Variants in COA1 observed in about 807,000 individuals in gnomAD.
The protein encoded by COA1 is cytochrome c oxidase assembly factor 1 homolog.
Under a neutral mutation model 16.0 loss-of-function variants are expected in COA1, and 13 were observed. The observed-to-expected ratio is 0.81, with a 90% CI of 0.53 to 1.29. The LOEUF (loss-of-function observed/expected upper bound fraction) is 1.29, where lower values mean the gene tolerates loss of function less well. Ranked by LOEUF, COA1 falls within the 50% of genes most tolerant of loss-of-function variation. The pLI is 0.00. For missense variants in COA1, 179 were observed against 177.0 expected, an observed-to-expected ratio of 1.01 and a Z score of -0.06; for synonymous variants, 65 against 65.7, an observed-to-expected ratio of 0.99 and a Z score of 0.05.
At chr7:43,671,573 A>G (rs2093265634) in intron 1 of COA1, among the ~76,000 whole-genome samples, 1 of 152,244 alleles carries the variant, frequency 6.6e-6, no homozygotes, top group African/African-American at 2.4e-5. Flanking sequence ...AAGAAATCAG[A>G]GATGACACAA....
chr7:43,722,606 T>C (rs1025310485), intron 1 of COA1, among the ~76,000 whole-genome samples: 23 of 151,798 alleles, frequency 1.5e-4, no homozygotes, highest in African/African-American at 5.1e-4. Context: ...TTTCACCATG[T>C]TGGCCAGGCT....
chr7:43,720,945 G>C (rs781737165), intron 1 of COA1, among the ~76,000 whole-genome samples: 1 of 152,172 alleles, frequency 6.6e-6, no homozygotes, highest in Non-Finnish European at 1.5e-5. Context: ...ATTAGAACCT[G>C]TATCTTTCTT....
In COA1 at chr7:43,639,493, G is replaced by A; in HGVS notation, c.*89C>T. The A allele has an allele frequency of 3.9e-6, 4 of 1,026,942 alleles. No homozygotes were observed. The highest frequency in any genetic ancestry group is 6.1e-6 in the Non-Finnish European group (4 of 658,796). 63.6% of individuals were successfully genotyped at this position (1,026,942 alleles called of 1,614,324 possible). ...GGAAAACTGGGTTGCAGGAGTGTCT[G>A]TCACTGAGATGGGCCACCACCCCAG... On this transcript the variant is annotated 3_prime_UTR_variant, in exon 6 of 6. Transcript: ENST00000223336.
At chr7:43,655,505 A>T (rs1272706188) in intron 1 of COA1, among the ~76,000 whole-genome samples, 1 of 152,040 alleles carries the variant, frequency 6.6e-6, no homozygotes, top group Non-Finnish European at 1.5e-5. Context: ...TATAACATCA[A>T]CCGGGCATGG....
Position 43,643,555 on chromosome 7 carries a change from G to A in COA1, c.264+1696C>T, listed in dbSNP as rs112063794. ...AGGATGTCCTCTCTCACGCAGTGTC[G>A]CTGCCGTCCTTCCACTCACGTCCAT... On this transcript the variant is annotated intron_variant, in intron 4 of 5. Transcript: ENST00000223336. 8.8e-3 allele frequency among the ~76,000 whole-genome samples: 1,345 copies of A among 152,266 alleles called. 16 individuals carry two copies. The highest frequency in any genetic ancestry group is 0.03 in the African/African-American group (1,259 of 41,536).
chr7:43,722,397 G>A (rs943568728), intron 1 of COA1, among the ~76,000 whole-genome samples: 2 of 127,798 alleles, frequency 1.6e-5, no homozygotes, highest in Non-Finnish European at 3.4e-5. Context: ...GCCTGGCTAG[G>A]AAATGCTTTT....
chr7:43,659,710 A>ACT (rs1352315685), intron 1 of COA1, among the ~76,000 whole-genome samples: 1 of 151,900 alleles, frequency 6.6e-6, no homozygotes, highest in Non-Finnish European at 1.5e-5. Context: ...ATTCTCACAG[A>ACT]CTCAGGTGTT....
At chr7:43,650,072 C>G (rs1000773984) in intron 1 of COA1, 1 of 152,378 alleles carries the variant, frequency 6.6e-6, no homozygotes, top group Non-Finnish European at 1.5e-5. Flanking sequence ...GGAGAGAAGC[C>G]ACAGGAAGCA....
At chr7:43,625,810 G>C (rs1459898160) in intron 6 of COA1, 1 of 151,618 alleles carries the variant, frequency 6.6e-6, no homozygotes, top group South Asian at 2.1e-4. Flanking sequence ...TGTTTCTGCT[G>C]AGTTTCTTAT....
chr7:43,629,382 A>C (rs1488256757), intron 6 of COA1, among the ~76,000 whole-genome samples: 1 of 152,222 alleles, frequency 6.6e-6, no homozygotes, highest in Non-Finnish European at 1.5e-5. Flanking sequence ...TGAATCTATA[A>C]GTCAAGTAGT....
chr7:43,639,395 A>C lies in COA1; in HGVS notation c.*187T>G. The C allele has an allele frequency of 2.0e-6, 1 of 487,976 alleles. No individual in the cohort carries two copies. Among genetic ancestry groups the C allele is most frequent in the Non-Finnish European group, 3.7e-6 (1 of 270,072 alleles). The allele number at this position is 487,976 out of a possible 1,614,324, so 30.2% of individuals were successfully genotyped here. A position where few individuals can be genotyped will look rare whatever the true frequency, so the allele number is the denominator to read the frequency against. ...ATTCAGTTTAAAAATGACAAATAGC[A>C]TTTGTTGTGCCCAAGTTAGAATTAC... On this transcript the variant is annotated 3_prime_UTR_variant, in exon 6 of 6. Coordinates refer to ENST00000223336, the MANE Select transcript of COA1 (RefSeq NM_018224.4).
rs1035665088 is a variant in COA1, at chr7:43,639,324, C to T, written c.*258G>A. The T allele has an allele frequency of 6.8e-6, 2 of 292,556 alleles. No individual in the cohort carries two copies. The highest frequency in any genetic ancestry group is 4.3e-5 in the African/African-American group (2 of 45,996). 18.1% of individuals were successfully genotyped at this position (292,556 alleles called of 1,614,324 possible). The stretch of plus-strand genomic sequence containing the variant: ...TGTGCTTTTTTATACAAAGCACTTT[C>T]AAATACATTACATTATCTTAAATTT... On this transcript the variant is annotated 3_prime_UTR_variant, in exon 6 of 6. Coordinates refer to ENST00000223336, the MANE Select transcript of COA1 (RefSeq NM_018224.4).
rs747998899 is a variant in COA1 at position 43,619,563 on chromosome 7, ATATTGATTTT to A, written c.*134-10078_*134-10069del. On this transcript the variant is annotated intron_variant and NMD_transcript_variant, in intron 6 of 6. Transcript: ENST00000415076. ...ATGTTTTGTGTACTTAATCATAGTTATATTGATTTTTGCGGGGGTGTATTTTCTTTTAGCC... is the reference window on the plus strand; with the variant it reads ...ATGTTTTGTGTACTTAATCATAGTTATGCGGGGGTGTATTTTCTTTTAGCC... The A allele has an allele frequency of 1.1e-5, 17 of 1,606,918 alleles. No homozygotes were observed. The South Asian group carries it at 1.6e-4, about 15-fold the overall frequency.
chr7:43,613,782 T>A (rs1401796567), intron 6 of COA1, among the ~76,000 whole-genome samples: 1 of 152,188 alleles, frequency 6.6e-6, no homozygotes, highest in Non-Finnish European at 1.5e-5. Context: ...AGTTCGAGGC[T>A]GCAGTGGGCT....
At chr7:43,632,570 T>G (rs1166117774) in intron 6 of COA1, 1 of 152,244 alleles carries the variant, frequency 6.6e-6, no homozygotes, top group African/African-American at 2.4e-5. Context: ...TAACAAGTTT[T>G]GAAAGTCAAA....
intron 4 of COA1, among the ~76,000 whole-genome samples, chr7:43,644,793 G>GACAGACAGAC (rs1365057694): frequency 8.1e-6 from 1 of 123,706 alleles, no homozygotes. Flanking sequence ...CAGGCAGGCA[G>GACAGACAGAC]AGAGACAGAG....
intron 1 of COA1, among the ~76,000 whole-genome samples, chr7:43,700,858 G>A (rs1409533635): frequency 6.6e-6 from 1 of 152,038 alleles, no homozygotes; most frequent in Non-Finnish European, 1.5e-5. Context: ...GTTACTGGAA[G>A]CACAGAAGAC....
chr7:43,722,091 CTTTTT>C (rs34638426), intron 1 of COA1, among the ~76,000 whole-genome samples: 1 of 132,360 alleles, frequency 7.6e-6, no homozygotes, highest in Non-Finnish European at 1.6e-5. Flanking sequence ...ATTCTGGTAA[CTTTTT>C]TTTTTTTTTT....
At chr7:43,619,677 G>A (rs777491002) in intron 6 of COA1, 43 of 1,613,962 alleles carry the variant, frequency 2.7e-5, no homozygotes, top group Non-Finnish European at 3.1e-5. Flanking sequence ...GAATATTGAA[G>A]AACAGTGAAG....
Sources: gnomAD v4.1 joint callset for allele counts (sites outside exome capture counted in the v4.1 genomes callset) on GRCh38, gnomAD v4.1.1 for gene constraint, MANE v1.5 for transcripts, NCBI Gene and HGNC (gene_info 2026-07-23, HGNC 2026-07-21) for gene names.